Variants in MAPK14 observed in about 807,000 individuals in gnomAD.
The protein encoded by MAPK14 is CSAID-binding protein.
In MAPK14, 16 loss-of-function variants were observed where a neutral mutation model predicts 49.6. The ratio of observed to expected loss-of-function variants is 0.32; its 90% CI spans 0.22 to 0.49. The LOEUF is 0.49. MAPK14 is among the 20% of genes least tolerant of loss of function. MAPK14 has a pLI of 0.99. For synonymous variants in MAPK14, 142 were observed against 158.0 expected (o/e 0.90, Z 0.76); for missense variants, 200 against 441.2 (o/e 0.45, Z 4.90).
chr6:36,062,264 C>T (rs1763852092), intron 3 of MAPK14, among the ~76,000 whole-genome samples: 1 of 152,176 alleles, frequency 6.6e-6, no homozygotes, highest in Non-Finnish European at 1.5e-5. Flanking sequence ...ACATGAGCCG[C>T]CACACCCAGC....
intron 1 of MAPK14, among the ~76,000 whole-genome samples, chr6:36,034,421 A>C (rs1035665453): frequency 5.9e-5 from 9 of 152,236 alleles, no homozygotes; most frequent in Non-Finnish European, 1.2e-4. Context: ...AAATAGAAAT[A>C]ACTGCCTCTC....
chr6:36,044,067 C>T (rs1763077344), intron 1 of MAPK14, among the ~76,000 whole-genome samples: 1 of 152,014 alleles, frequency 6.6e-6, no homozygotes, highest in East Asian at 1.9e-4. Flanking sequence ...ACCTCGGCCT[C>T]CCAAAGTTCT....
intron 1 of MAPK14, among the ~76,000 whole-genome samples, chr6:36,030,804 G>T (rs974269029): frequency 7.9e-5 from 12 of 151,754 alleles, no homozygotes; most frequent in Non-Finnish European, 1.6e-4. Flanking sequence ...CAGAGAGGCA[G>T]TTTTTTTTAT....
rs929570172 is a variant in MAPK14 at position 36,109,750 on chromosome 6, C to T, written c.*1303C>T. On this transcript the variant is annotated 3_prime_UTR_variant, in exon 12 of 12. Coordinates refer to ENST00000229794, the MANE Select transcript of MAPK14 (RefSeq NM_139012.3). ...AAGTTATTCTCTTCACTCCCAATAA[C>T]TAATGCTAAGAAATGCTGAAAATCA... The T allele has an allele frequency of 3.3e-5, 5 of 152,596 alleles. No homozygotes were observed. The highest frequency in any genetic ancestry group is 1.2e-4 in the African/African-American group (5 of 41,446). The allele number at this position is 152,596 out of a possible 1,614,324, so 9.5% of individuals were successfully genotyped here.
In MAPK14 at chr6:36,109,430, A is replaced by G. The variant is rs1295706750; in HGVS notation, c.*983A>G. On this transcript the variant is annotated 3_prime_UTR_variant, in exon 12 of 12. Coordinates refer to ENST00000229794, the MANE Select transcript of MAPK14 (RefSeq NM_139012.3). ...CACAGCTGCTTGTCCTGCTCTCTTC[A>G]GGAGGCCCTGGTGTCAGGCAGGTTT... 6.6e-6 allele frequency: 1 copy of G among 152,658 alleles called. No individual in the cohort carries two copies. The highest frequency in any genetic ancestry group is 2.4e-5 in the African/African-American group (1 of 41,448). 9.5% of individuals were successfully genotyped at this position (152,658 alleles called of 1,614,324 possible).
chr6:36,062,091 C>T (rs1212172241), intron 3 of MAPK14, among the ~76,000 whole-genome samples: 2 of 152,180 alleles, frequency 1.3e-5, no homozygotes, highest in Admixed American at 1.3e-4. Flanking sequence ...ATCCTCCCAC[C>T]TCAGTCCCCC....
At chr6:36,034,336 T>C (rs1363765417) in intron 1 of MAPK14, among the ~76,000 whole-genome samples, 1 of 152,248 alleles carries the variant, frequency 6.6e-6, no homozygotes, top group Admixed American at 6.5e-5. Context: ...TCCTATTGGA[T>C]TGAAATTCTT....
intron 8 of MAPK14, among the ~76,000 whole-genome samples, chr6:36,086,733 A>G (rs1421503058): frequency 6.6e-6 from 1 of 152,212 alleles, no homozygotes; most frequent in Admixed American, 6.5e-5. Context: ...AGCTGGTACC[A>G]TTTCTTCTGA....
chr6:36,033,618 A>G (rs1384212391), intron 1 of MAPK14, among the ~76,000 whole-genome samples: 2 of 152,132 alleles, frequency 1.3e-5, no homozygotes, highest in African/African-American at 2.4e-5. Context: ...CCCAGCCTCC[A>G]CTGGTTCTTC....
In MAPK14 at chr6:36,069,911, T is replaced by G. The variant is rs1483723132; in HGVS notation, c.306-2962T>G. Among the ~76,000 whole-genome samples the G allele has an allele frequency of 1.3e-5, 2 of 152,306 alleles. 1 individual carries two copies. Among genetic ancestry groups the G allele is most frequent in the East Asian group, 3.9e-4 (2 of 5,190 alleles). On this transcript the variant is annotated intron_variant, in intron 3 of 11. Transcript: ENST00000229794. Reference sequence around the variant, plus strand: ...ATTTTTATTTAAAAATAAGTTATGTTTGTCTCTTCTCCATAAAATTATTTA... The same window carrying G: ...ATTTTTATTTAAAAATAAGTTATGTGTGTCTCTTCTCCATAAAATTATTTA...
intron 8 of MAPK14, among the ~76,000 whole-genome samples, chr6:36,089,983 G>A (rs899425167): frequency 6.6e-6 from 1 of 152,134 alleles, no homozygotes; most frequent in African/African-American, 2.4e-5. Context: ...ATAATCAAGT[G>A]AATTTCCTTA....
intron 8 of MAPK14, among the ~76,000 whole-genome samples, chr6:36,093,831 G>A (rs1287278648): frequency 1.3e-5 from 2 of 151,190 alleles, no homozygotes; most frequent in Non-Finnish European, 2.9e-5. Flanking sequence ...GATTACTTTT[G>A]ATGCATATAT....
At chr6:36,034,480 G>C (rs1389353479) in intron 1 of MAPK14, among the ~76,000 whole-genome samples, 2 of 152,130 alleles carry the variant, frequency 1.3e-5, no homozygotes, top group African/African-American at 4.8e-5. Flanking sequence ...GTAAAATTTG[G>C]GGTAAAACTG....
chr6:36,102,718 AAG>A, intron 10 of MAPK14, 69 bp downstream of exon 10: 2 of 1,602,180 alleles, frequency 1.2e-6, no homozygotes, highest in South Asian at 2.3e-5. Context: ...GGATTTGAAG[AAG>A]AGTTTCTCCT....
intron 3 of MAPK14, among the ~76,000 whole-genome samples, chr6:36,068,223 A>C (rs1402477712): frequency 6.6e-6 from 1 of 152,202 alleles, no homozygotes; most frequent in Non-Finnish European, 1.5e-5. Context: ...GGCAGACTGC[A>C]TGATATATTG....
At chr6:36,034,719 T>G (rs115294478) in intron 1 of MAPK14, among the ~76,000 whole-genome samples, 1 of 152,106 alleles carries the variant, frequency 6.6e-6, no homozygotes, top group African/African-American at 2.4e-5. Context: ...TTCCATAAAT[T>G]AAGCACAGGC....
intron 8 of MAPK14, chr6:36,092,312 G>C: frequency 1.7e-6 from 1 of 601,494 alleles, no homozygotes; most frequent in Non-Finnish European, 3.2e-6. Flanking sequence ...TCTTCCTCAA[G>C]CTCCCAAAGA....
intron 1 of MAPK14, among the ~76,000 whole-genome samples, chr6:36,051,596 CT>C (rs1562110202): frequency 6.6e-6 from 1 of 152,084 alleles, no homozygotes; most frequent in Non-Finnish European, 1.5e-5. Flanking sequence ...ACCTCTGTTT[CT>C]TTTTTCGTTT....
chr6:36,082,233 A>C (rs73409841), intron 8 of MAPK14, among the ~76,000 whole-genome samples: 2,446 of 152,286 alleles, frequency 0.016, 59 homozygotes, highest in African/African-American at 0.055. Context: ...TGTCTAATGT[A>C]ATGGCTCTGT....
Sources: allele counts gnomAD v4.1 joint callset (sites outside exome capture counted in the v4.1 genomes callset), GRCh38; gene constraint gnomAD v4.1.1; transcripts MANE v1.5; gene names NCBI Gene and HGNC (gene_info 2026-07-23, HGNC 2026-07-21).